The following GLCE variants were observed in gnomAD, a reference collection of about 807,000 sequenced individuals.
The protein encoded by GLCE is glucuronic acid epimerase.
Under a neutral mutation model 47.9 loss-of-function variants are expected in GLCE, and 19 were observed. That is an observed-to-expected ratio of 0.40 (90% CI 0.28 to 0.58). GLCE has a LOEUF of 0.58. Among genes scored for constraint, GLCE ranks in the 20% least tolerant of loss-of-function variants. GLCE has a pLI of 0.48. For missense variants in GLCE, 556 were observed against 743.3 expected (o/e 0.75, Z 2.93); for synonymous variants, 245 against 263.4 (o/e 0.93, Z 0.68).
intron 1 of GLCE, among the ~76,000 whole-genome samples, chr15:69,205,779 A>T (rs2052142612): frequency 6.6e-6 from 1 of 152,072 alleles, no homozygotes; most frequent in Admixed American, 6.6e-5. Context: ...GTTTTGTTAT[A>T]TTCTCTTTGG....
intron 2 of GLCE, among the ~76,000 whole-genome samples, chr15:69,212,919 T>C (rs72754395): frequency 0.015 from 2,211 of 152,232 alleles, 31 homozygotes; most frequent in Non-Finnish European, 0.024. Context: ...TTTAAAATGT[T>C]AAATAATGTT....
At chr15:69,176,002 A>G (rs917611164) in intron 1 of GLCE, among the ~76,000 whole-genome samples, 1 of 152,274 alleles carries the variant, frequency 6.6e-6, no homozygotes, top group Admixed American at 6.5e-5. Context: ...CTTACATTGT[A>G]CTTTGTCATG....
At chr15:69,210,733 T>A (rs1222782886) in intron 2 of GLCE, among the ~76,000 whole-genome samples, 1 of 152,140 alleles carries the variant, frequency 6.6e-6, no homozygotes, top group Non-Finnish European at 1.5e-5. Flanking sequence ...TCAAATCTGT[T>A]TGCCTAGAGC....
intron 2 of GLCE, among the ~76,000 whole-genome samples, chr15:69,215,297 C>T (rs1242615152): frequency 1.3e-5 from 2 of 152,218 alleles, no homozygotes; most frequent in South Asian, 2.1e-4. Flanking sequence ...TAGCCTTTTC[C>T]AGAGTATCAT....
chr15:69,229,591 A>G (rs1386815483), intron 2 of GLCE, among the ~76,000 whole-genome samples: 1 of 152,162 alleles, frequency 6.6e-6, no homozygotes, highest in African/African-American at 2.4e-5. Context: ...CAAGAATAAT[A>G]ATATGTTATG....
chr15:69,189,414 A>G (rs1164851463), intron 1 of GLCE, among the ~76,000 whole-genome samples: 1 of 152,142 alleles, frequency 6.6e-6, no homozygotes, highest in Admixed American at 6.6e-5. Flanking sequence ...CATTGTCTGG[A>G]TGTGCCACGG....
intron 1 of GLCE, among the ~76,000 whole-genome samples, chr15:69,204,287 T>G (rs1302859842): frequency 7.0e-6 from 1 of 143,546 alleles, no homozygotes; most frequent in Non-Finnish European, 1.5e-5. Flanking sequence ...CTTTTTTTTT[T>G]TTTTTTTTTT....
intron 2 of GLCE, among the ~76,000 whole-genome samples, chr15:69,216,824 A>G (rs561217841): frequency 6.6e-6 from 1 of 152,276 alleles, no homozygotes; most frequent in African/African-American, 2.4e-5. Context: ...GTGAGTAATT[A>G]TGATTGATTC....
chr15:69,183,744 C>T (rs1419956155), intron 1 of GLCE, among the ~76,000 whole-genome samples: 1 of 152,190 alleles, frequency 6.6e-6, no homozygotes, highest in Non-Finnish European at 1.5e-5. Flanking sequence ...CAGGTCTCAA[C>T]CTTGGCTCAA....
intron 1 of GLCE, among the ~76,000 whole-genome samples, chr15:69,202,665 GATTT>G (rs1160646319): frequency 6.6e-6 from 1 of 152,028 alleles, no homozygotes; most frequent in Admixed American, 6.6e-5. Context: ...AGGTATATGA[GATTT>G]ATAGTCTACA....
At chr15:69,169,232 T>C (rs931670372) in intron 1 of GLCE, among the ~76,000 whole-genome samples, 1 of 152,204 alleles carries the variant, frequency 6.6e-6, no homozygotes, top group Non-Finnish European at 1.5e-5. Context: ...GCGTCTTCTG[T>C]TGACAGACAT....
At chr15:69,260,071 A>G (rs1446663479) in intron 3 of GLCE, among the ~76,000 whole-genome samples, 1 of 152,192 alleles carries the variant, frequency 6.6e-6, no homozygotes, top group Non-Finnish European at 1.5e-5. Context: ...AACATTTAAA[A>G]GTTGTACTTA....
At chr15:69,254,054 C>T (rs948762123) in intron 2 of GLCE, among the ~76,000 whole-genome samples, 3 of 151,924 alleles carry the variant, frequency 2.0e-5, no homozygotes, top group African/African-American at 7.3e-5. Context: ...TCTTGAGAAA[C>T]GGAAGTTTAG....
In GLCE at chr15:69,269,014, A is replaced by G. The variant is rs775551601; in HGVS notation, c.1624A>G (p.Met542Val). Residue 542 changes from methionine to valine, a missense_variant, in exon 5 of 5, where the codon ATG becomes GTG. By Grantham distance (21) the Met-to-Val change is conservative. Around this residue, in one of 3 missense-constraint regions of GLCE, gnomAD observed 245 missense variants for 368.1 expected, o/e 0.67. Coordinates refer to ENST00000261858, the MANE Select transcript of GLCE (RefSeq NM_015554.3). Reference sequence around the variant, plus strand: ...AGCAAGGTCCTTGTATGAGCGTGGCATGGAATCTCTTAAAGCCATGCTGCC... The same window carrying G: ...AGCAAGGTCCTTGTATGAGCGTGGCGTGGAATCTCTTAAAGCCATGCTGCC... ...KEARSLYERGMESLKAMLPLY... is the reference protein window; with the variant it reads ...KEARSLYERGVESLKAMLPLY... 1.2e-6 allele frequency: 2 copies of G among 1,614,222 alleles called. No homozygotes were observed. The highest frequency in any genetic ancestry group is 1.1e-5 in the South Asian group (1 of 91,084).
At chr15:69,188,296 T>C (rs1160231234) in intron 1 of GLCE, among the ~76,000 whole-genome samples, 2 of 152,142 alleles carry the variant, frequency 1.3e-5, no homozygotes, top group Non-Finnish European at 2.9e-5. Context: ...ATTGTACTTT[T>C]TACATATTGT....
At chr15:69,185,741 C>T (rs2051813618) in intron 1 of GLCE, among the ~76,000 whole-genome samples, 1 of 152,030 alleles carries the variant, frequency 6.6e-6, no homozygotes, top group Non-Finnish European at 1.5e-5. Flanking sequence ...CCAAGCAGTG[C>T]ACATCAGCTG....
intron 2 of GLCE, among the ~76,000 whole-genome samples, chr15:69,218,669 A>C (rs1279353924): frequency 2.6e-5 from 4 of 152,320 alleles, no homozygotes; most frequent in African/African-American, 9.6e-5. Flanking sequence ...ACTTTTGGAA[A>C]ACCTGTTTTA....
intron 2 of GLCE, among the ~76,000 whole-genome samples, chr15:69,226,047 G>GAC (rs36218660): frequency 0.011 from 652 of 59,582 alleles, 3 homozygotes; most frequent in Middle Eastern, 0.027. Flanking sequence ...CGCATGCACA[G>GAC]ACACACACAC....
At position 69,268,281 on chromosome 15, in the gene GLCE, C is replaced by T; in HGVS notation, c.891C>T (p.Asp297=). The change falls in exon 5 of 5, where the codon GAC becomes GAT. Residue 297 remains aspartate (D), a synonymous_variant. Transcript: ENST00000261858. ...CAAAAGATTTTATTATTTCATTTGA[C>T]CTCAAGTTCTTGACAAATGGAAGTG... ...GNTKDFIISF[D]LKFLTNGSVS... 2 of 1,612,194 alleles carry T rather than the reference C, an allele frequency of 1.2e-6. No individual in the cohort carries two copies. The highest frequency in any genetic ancestry group is 1.7e-6 in the Non-Finnish European group (2 of 1,178,828).
Sources: allele counts gnomAD v4.1 joint callset (sites outside exome capture counted in the v4.1 genomes callset), GRCh38; gene constraint gnomAD v4.1.1; regional missense constraint gnomAD v4.1.1; transcripts MANE v1.5; gene names NCBI Gene and HGNC (gene_info 2026-07-23, HGNC 2026-07-21).